The following PLCB4 variants were observed in gnomAD, a reference collection of about 807,000 sequenced individuals.
PLCB4 encodes phospholipase C beta 4, also known as 1-phosphatidylinositol 4,5-bisphosphate phosphodiesterase beta-4.
PLCB4 carries 77 observed loss-of-function variants against 178.8 expected under a neutral mutation model. The observed-to-expected ratio is 0.43, with a 90% CI of 0.36 to 0.52. PLCB4 has a LOEUF of 0.52. Ranked by LOEUF, PLCB4 falls within the 20% of genes least tolerant of loss-of-function variation. The pLI is 0.00. For missense variants in PLCB4, 1,024 were observed against 1,453.4 expected (o/e 0.70, Z 4.80); for synonymous variants, 496 against 490.8 (o/e 1.01, Z -0.14).
chr20:9,257,914 A>G (rs1156734833), intron 3 of PLCB4, among the ~76,000 whole-genome samples: 1 of 152,214 alleles, frequency 6.6e-6, no homozygotes, highest in East Asian at 1.9e-4. Context: ...AAGAGCAAGA[A>G]GGGATTCTTG....
intron 2 of PLCB4, among the ~76,000 whole-genome samples, chr20:9,189,971 C>A (rs1051758821): frequency 2.0e-5 from 3 of 152,148 alleles, no homozygotes; most frequent in Non-Finnish European, 2.9e-5. Flanking sequence ...CCTTCTCCCC[C>A]ACCCCCGAGG....
intron 2 of PLCB4, among the ~76,000 whole-genome samples, chr20:9,117,053 A>G (rs747866246): frequency 6.6e-6 from 1 of 151,882 alleles, no homozygotes; most frequent in Non-Finnish European, 1.5e-5. Context: ...CTTGCTTAAC[A>G]CTCCAATTTG....
At chr20:9,341,595 G>A (rs746641402) in intron 7 of PLCB4, among the ~76,000 whole-genome samples, 73 of 152,104 alleles carry the variant, frequency 4.8e-4, no homozygotes, top group Non-Finnish European at 8.2e-4. Flanking sequence ...GTTGGTCTTG[G>A]TGTCTCAGGG....
chr20:9,086,796 G>A (rs1281705402), intron 1 of PLCB4, among the ~76,000 whole-genome samples: 1 of 152,204 alleles, frequency 6.6e-6, no homozygotes, highest in African/African-American at 2.4e-5. Flanking sequence ...ATTGGGAGAA[G>A]TGACTTATAG....
intron 1 of PLCB4, among the ~76,000 whole-genome samples, chr20:9,093,878 C>T (rs1196142941): frequency 6.6e-6 from 1 of 151,808 alleles, no homozygotes; most frequent in Non-Finnish European, 1.5e-5. Flanking sequence ...GTCACATGGC[C>T]CCTTTTTGGC....
intron 3 of PLCB4, among the ~76,000 whole-genome samples, chr20:9,296,647 G>A (rs1442784948): frequency 1.3e-5 from 2 of 152,084 alleles, no homozygotes; most frequent in Non-Finnish European, 2.9e-5. Context: ...AGAAAATGTG[G>A]CACATATACA....
intron 2 of PLCB4, among the ~76,000 whole-genome samples, chr20:9,120,879 C>T (rs932401827): frequency 6.6e-6 from 1 of 152,182 alleles, no homozygotes; most frequent in African/African-American, 2.4e-5. Flanking sequence ...ATGAGCTGCT[C>T]TCTTTTGGTG....
chr20:9,290,450 C>T (rs13037337), intron 3 of PLCB4, among the ~76,000 whole-genome samples: 14,594 of 152,158 alleles, frequency 0.096, 1,226 homozygotes, highest in East Asian at 0.32. Context: ...TTTCTATTGC[C>T]TCTGGGCCTT....
intron 38 of PLCB4, among the ~76,000 whole-genome samples, chr20:9,474,009 G>T (rs894472913): frequency 5.3e-5 from 8 of 152,128 alleles, no homozygotes; most frequent in Non-Finnish European, 1.2e-4. Flanking sequence ...AGGAGGTCAG[G>T]AGATCGAGAC....
At chr20:9,449,663 ACCAG>A (rs1047202897) in intron 32 of PLCB4, among the ~76,000 whole-genome samples, 3 of 152,254 alleles carry the variant, frequency 2.0e-5, no homozygotes, top group Admixed American at 6.5e-5. Context: ...TCCTTAGGCC[ACCAG>A]TTTGCAGTAT....
intron 25 of PLCB4, among the ~76,000 whole-genome samples, chr20:9,417,596 C>G (rs890165383): frequency 6.6e-6 from 1 of 152,114 alleles, no homozygotes; most frequent in Admixed American, 6.5e-5. Context: ...GCCATACATT[C>G]ATTCATCGAT....
At chr20:9,113,190 T>C (rs752325678) in intron 2 of PLCB4, among the ~76,000 whole-genome samples, 2 of 152,164 alleles carry the variant, frequency 1.3e-5, no homozygotes, top group Non-Finnish European at 2.9e-5. Context: ...TTTCTGAGGG[T>C]TGTGCTTACA....
intron 7 of PLCB4, among the ~76,000 whole-genome samples, chr20:9,356,535 A>G (rs2034838068): frequency 6.6e-6 from 1 of 152,200 alleles, no homozygotes; most frequent in Non-Finnish European, 1.5e-5. Context: ...TTTTACATCT[A>G]AGCACCTTAT....
chr20:9,406,345 G>A (rs1276017703), intron 21 of PLCB4, among the ~76,000 whole-genome samples: 2 of 152,098 alleles, frequency 1.3e-5, no homozygotes, highest in African/African-American at 2.4e-5. Context: ...GGGGGAGCAG[G>A]AGGACACATT....
At chr20:9,460,144 G>A (rs568748742) in intron 35 of PLCB4, among the ~76,000 whole-genome samples, 4 of 152,136 alleles carry the variant, frequency 2.6e-5, no homozygotes, top group Non-Finnish European at 4.4e-5. Context: ...TACAGGTGTT[G>A]GCAAGATACA....
At chr20:9,267,170 G>T (rs1432491475) in intron 3 of PLCB4, among the ~76,000 whole-genome samples, 4 of 152,074 alleles carry the variant, frequency 2.6e-5, no homozygotes, top group Admixed American at 2.6e-4. Context: ...AAATTTATTG[G>T]CTTCAAATTA....
At chr20:9,445,745 AG>A (rs1417512450) in intron 32 of PLCB4, among the ~76,000 whole-genome samples, 2 of 152,226 alleles carry the variant, frequency 1.3e-5, no homozygotes, top group African/African-American at 4.8e-5. Flanking sequence ...AATTTAAAGT[AG>A]GGGCTTCAAT....
At chr20:9,435,529 TA>T (rs1228230685) in intron 28 of PLCB4, 30 bp from the exon 29 acceptor site, 21 of 1,221,560 alleles carry the variant, frequency 1.7e-5, no homozygotes, top group Non-Finnish European at 2.3e-5. Flanking sequence ...AACAGAGAAT[TA>T]ACGGCTCATT....
At position 9,394,819 on chromosome 20, in the gene PLCB4, G is replaced by C. The variant is rs748982917; in HGVS notation, c.1415-704G>C. On this transcript the variant is annotated intron_variant, in intron 18 of 39. Transcript: ENST00000378473. ...TTCTACCACCTTAGACTCTTCACCA[G>C]TCATATATGAGAGTGCCTGTTTCCC... 4.1e-4 allele frequency among the ~76,000 whole-genome samples: 63 copies of C among 152,104 alleles called. 1 individual carries two copies. Among genetic ancestry groups the C allele is most frequent in the Non-Finnish European group, 3.1e-4 (21 of 68,026 alleles).
Sources: gnomAD v4.1 joint callset for allele counts (sites outside exome capture counted in the v4.1 genomes callset) on GRCh38, gnomAD v4.1.1 for gene constraint, MANE v1.5 for transcripts, NCBI Gene and HGNC (gene_info 2026-07-23, HGNC 2026-07-21) for gene names.